The following MARCHF11 variants were observed in gnomAD, a reference collection of about 807,000 sequenced individuals.
MARCHF11 encodes E3 ubiquitin-protein ligase MARCHF11.
Under a neutral mutation model 37.3 loss-of-function variants are expected in MARCHF11, and 29 were observed. The ratio of observed to expected loss-of-function variants is 0.78; its 90% CI spans 0.58 to 1.06. MARCHF11 has a LOEUF of 1.06. Among genes scored for constraint, MARCHF11 ranks in the 50% least tolerant of loss-of-function variants. The pLI, the probability that MARCHF11 is intolerant of heterozygous loss-of-function variation, is 0.00. For synonymous variants in MARCHF11, 233 were observed against 228.0 expected (o/e 1.02, Z -0.20); for missense variants, 482 against 533.4 (o/e 0.90, Z 0.95).
At chr5:16,161,511 T>C (rs1738076962) in intron 2 of MARCHF11, among the ~76,000 whole-genome samples, 1 of 151,904 alleles carries the variant, frequency 6.6e-6, no homozygotes, top group African/African-American at 2.4e-5. Flanking sequence ...CTAAGTACCA[T>C]AAGCTCAAAC....
chr5:16,167,947 A>T (rs1738198113), intron 2 of MARCHF11, among the ~76,000 whole-genome samples: 1 of 152,104 alleles, frequency 6.6e-6, no homozygotes, highest in Non-Finnish European at 1.5e-5. Flanking sequence ...ATACTAGAAA[A>T]CAACAAAGAA....
intron 2 of MARCHF11, among the ~76,000 whole-genome samples, chr5:16,137,087 C>G (rs1241058054): frequency 2.0e-5 from 3 of 152,108 alleles, no homozygotes; most frequent in African/African-American, 7.2e-5. Flanking sequence ...ACTAACACAT[C>G]TATTATGTAA....
chr5:16,123,559 T>A (rs923473258), intron 2 of MARCHF11, among the ~76,000 whole-genome samples: 7 of 152,212 alleles, frequency 4.6e-5, no homozygotes, highest in African/African-American at 1.7e-4. Flanking sequence ...TTTGAGATAG[T>A]CCTGTGTGGC....
intron 3 of MARCHF11, among the ~76,000 whole-genome samples, chr5:16,083,861 C>T (rs143713874): frequency 4.6e-4 from 70 of 152,198 alleles, no homozygotes; most frequent in Non-Finnish European, 5.3e-4. Flanking sequence ...ACAAGGAGGA[C>T]GACGATGACC....
chr5:16,131,547 G>A (rs1737514884), intron 2 of MARCHF11, among the ~76,000 whole-genome samples: 1 of 152,188 alleles, frequency 6.6e-6, no homozygotes, highest in South Asian at 2.1e-4. Context: ...GAACTGGTCG[G>A]GGGTGGGAGT....
At chr5:16,158,952 G>A (rs145418215) in intron 2 of MARCHF11, among the ~76,000 whole-genome samples, 1 of 151,828 alleles carries the variant, frequency 6.6e-6, no homozygotes, top group East Asian at 2.0e-4. Context: ...AAATTGCTGA[G>A]AGTAGATTTT....
Position 16,088,850 on chromosome 5 carries a change from T to C in MARCHF11, c.886+2039A>G, listed in dbSNP as rs543800902. 3.3e-5 allele frequency among the ~76,000 whole-genome samples: 5 copies of C among 152,270 alleles called. No homozygotes were observed. In the East Asian group the frequency reaches 9.7e-4, roughly 29 times the overall value. ...GTCAATATTTAAGACTCAGATAAAA[T>C]ACTCATTCTCCCAAGTATCTCCAGA... is the stretch of plus-strand genomic sequence containing the variant. On this transcript the variant is annotated intron_variant, in intron 3 of 3. Transcript: ENST00000332432.
At chr5:16,121,887 T>C (rs927651114) in intron 2 of MARCHF11, among the ~76,000 whole-genome samples, 10 of 152,314 alleles carry the variant, frequency 6.6e-5, no homozygotes, top group Admixed American at 3.9e-4. Flanking sequence ...ATAATAACAG[T>C]GCTAACACTT....
intron 2 of MARCHF11, among the ~76,000 whole-genome samples, chr5:16,118,857 G>A (rs187322043): frequency 6.6e-6 from 1 of 152,280 alleles, no homozygotes; most frequent in East Asian, 1.9e-4. Context: ...GGAAGGACAG[G>A]GCAGTGAAGA....
Position 16,179,301 on chromosome 5 carries a change from G to C in MARCHF11, c.275C>G (p.Ala92Gly). The C allele has an allele frequency of 7.8e-7, 1 of 1,274,220 alleles. No homozygotes were observed. The highest frequency in any genetic ancestry group is 9.9e-7 in the Non-Finnish European group (1 of 1,011,724). The allele number at this position is 1,274,220 out of a possible 1,614,324, so 78.9% of individuals were successfully genotyped here. ...LPPPPLPLQPAGQEVAAAGDS... is the reference protein window; with the variant it reads ...LPPPPLPLQPGGQEVAAAGDS... ...GCCGGCCGCCGCCACTTCCTGGCCGGCGGGCTGCAGGGGCAGGGGCGGAGG... is the reference window on the plus strand; with the variant it reads ...GCCGGCCGCCGCCACTTCCTGGCCGCCGGGCTGCAGGGGCAGGGGCGGAGG... Residue 92 changes from alanine (A) to glycine (G), a missense_variant, in exon 1 of 4, where the codon GCC (alanine) becomes GGC (glycine). By Grantham distance (60) the Ala-to-Gly change is moderately conservative. Transcript: ENST00000332432.
At chr5:16,152,273 G>T (rs149177621) in intron 2 of MARCHF11, among the ~76,000 whole-genome samples, 141 of 152,004 alleles carry the variant, frequency 9.3e-4, no homozygotes, top group African/African-American at 3.3e-3. Context: ...GTCTATTAAA[G>T]AACTGTTCCC....
At chr5:16,130,637 A>G (rs1249513114) in intron 2 of MARCHF11, among the ~76,000 whole-genome samples, 1 of 152,162 alleles carries the variant, frequency 6.6e-6, no homozygotes, top group African/African-American at 2.4e-5. Context: ...AAACAAAAAT[A>G]GCAATTTTAT....
chr5:16,120,578 T>C (rs187708289), intron 2 of MARCHF11, among the ~76,000 whole-genome samples: 1 of 152,356 alleles, frequency 6.6e-6, no homozygotes, highest in East Asian at 1.9e-4. Context: ...ATTCACACCT[T>C]ACAAGGCTCC....
chr5:16,102,281 T>A lies in MARCHF11; in HGVS notation c.694-11200A>T, dbSNP rs576323756. On this transcript the variant is annotated intron_variant, in intron 2 of 3. Coordinates refer to ENST00000332432, the MANE Select transcript of MARCHF11 (RefSeq NM_001102562.3). Reference sequence around the variant, plus strand: ...GCTTTGCCTCAGTTCTTGGTTAAAGTCACACTGTAAGATGACACTGATACG... The same window carrying A: ...GCTTTGCCTCAGTTCTTGGTTAAAGACACACTGTAAGATGACACTGATACG... Among the ~76,000 whole-genome samples the A allele has an allele frequency of 2.0e-5, 3 of 152,228 alleles. No homozygotes were observed. In the South Asian group the frequency reaches 6.2e-4, roughly 32 times the overall value.
chr5:16,123,080 A>G (rs546813561), intron 2 of MARCHF11, among the ~76,000 whole-genome samples: 2 of 152,288 alleles, frequency 1.3e-5, no homozygotes, highest in South Asian at 4.1e-4. Context: ...GCGCAAGTCC[A>G]TTCCCTCTTC....
chr5:16,090,888 C>G lies in MARCHF11; in HGVS notation c.886+1G>C. The G allele has an allele frequency of 6.4e-7, 1 of 1,573,986 alleles. No homozygotes were observed. The highest frequency in any genetic ancestry group is 1.8e-5 in the Admixed American group (1 of 55,470). On this transcript the variant is annotated splice_donor_variant, in intron 3 of 3. Coordinates refer to ENST00000332432, the MANE Select transcript of MARCHF11 (RefSeq NM_001102562.3). LOFTEE classifies it high-confidence loss of function. Reference sequence around the variant, plus strand: ...GTTAACGTTGAAGGTCATGGTCTTACCTATGCACACTAGATCCATAAAACC... The same window carrying G: ...GTTAACGTTGAAGGTCATGGTCTTAGCTATGCACACTAGATCCATAAAACC...
At chr5:16,132,742 A>C (rs1053797113) in intron 2 of MARCHF11, among the ~76,000 whole-genome samples, 6 of 152,198 alleles carry the variant, frequency 3.9e-5, no homozygotes, top group African/African-American at 1.4e-4. Flanking sequence ...AGTATGAAGG[A>C]AGCTATGCTT....
At chr5:16,077,754 A>G (rs1220288712) in intron 3 of MARCHF11, among the ~76,000 whole-genome samples, 3 of 152,200 alleles carry the variant, frequency 2.0e-5, no homozygotes, top group African/African-American at 7.2e-5. Context: ...TTGGGATGTG[A>G]TTCTTTACAT....
intron 2 of MARCHF11, among the ~76,000 whole-genome samples, chr5:16,091,838 A>T (rs1736795310): frequency 1.3e-5 from 2 of 152,232 alleles, no homozygotes. Flanking sequence ...ATGATCAAAA[A>T]TCCTTCAAGA....
Sources: allele counts gnomAD v4.1 joint callset (sites outside exome capture counted in the v4.1 genomes callset), GRCh38; gene constraint gnomAD v4.1.1; transcripts MANE v1.5; gene names NCBI Gene and HGNC (gene_info 2026-07-23, HGNC 2026-07-21).